EOGT: variants seen among roughly 807,000 people sequenced by gnomAD.
EOGT encodes the protein EGF domain-specific O-linked N-acetylglucosamine transferase.
Under a neutral mutation model 70.5 loss-of-function variants are expected in EOGT, and 55 were observed. That is an observed-to-expected ratio of 0.78 (90% confidence interval 0.63 to 0.98). The LOEUF is 0.98. EOGT is among the 50% of genes least tolerant of loss of function. The pLI, the probability that EOGT is intolerant of heterozygous loss-of-function variation, is 0.00. For missense variants in EOGT, 703 were observed against 641.9 expected (o/e 1.10, Z -1.03); for synonymous variants, 246 against 217.1 (o/e 1.13, Z -1.17).
chr3:68,988,311 G>A lies in EOGT; in HGVS notation c.1067C>T (p.Thr356Ile), dbSNP rs755848275. The A allele has an allele frequency of 2.9e-5, 44 of 1,535,650 alleles. No homozygotes were observed. The highest frequency in any genetic ancestry group is 3.8e-5 in the Non-Finnish European group (43 of 1,146,484). ...ATCCATTACCTTAGGTCCTTCTTGT[G>A]TGATGTTTAGTCTGTGTAGTACATG... Reference protein sequence around the residue: ...AQHVLHRLNITQEGPKDGKIR... With the variant: ...AQHVLHRLNIIQEGPKDGKIR... Residue 356 changes from threonine to isoleucine, a missense_variant, in exon 13 of 18, where the codon ACA becomes ATA. Thr to Ile is a moderately conservative substitution (Grantham distance 89, BLOSUM62 -1). Coordinates refer to ENST00000383701, the MANE Select transcript of EOGT (RefSeq NM_001278689.2).
chr3:69,000,922 C>T (rs9848592), intron 9 of EOGT, among the ~76,000 whole-genome samples: 1,981 of 151,700 alleles, frequency 0.013, 40 homozygotes, highest in African/African-American at 0.046. Flanking sequence ...GTCATGGACA[C>T]TTCTTTCCCA....
At chr3:69,000,126 C>G (rs968191725) in intron 9 of EOGT, among the ~76,000 whole-genome samples, 6 of 152,032 alleles carry the variant, frequency 3.9e-5, no homozygotes, top group Non-Finnish European at 5.9e-5. Context: ...CTTGGCAGGC[C>G]AAGGTGGGAG....
rs1223498475 is a variant in EOGT at position 68,988,930 on chromosome 3, T to C, written c.919A>G (p.Lys307Glu). The change falls in exon 11 of 18, where the codon AAA (lysine) becomes GAA (glutamate). Residue 307 changes from lysine (K) to glutamate (E), a missense_variant. Physicochemically the swap from Lys to Glu is moderately conservative, Grantham distance 56. Transcript: ENST00000383701. The part of the protein sequence containing the change: ...DVIHLKTYDS[K>E]RVCFKEAVFS... ...TTCAGGAAAATTTCCAGTACCCTTT[T>C]GGAATCATAAGTTTTCAAATGTATA... 6.6e-7 allele frequency: 1 copy of C among 1,510,688 alleles called. No individual in the cohort carries two copies. The highest frequency in any genetic ancestry group is 2.5e-5 in the East Asian group (1 of 40,610). The allele number at this position is 1,510,688 out of a possible 1,614,324, so 93.6% of individuals were successfully genotyped here.
intron 15 of EOGT, among the ~76,000 whole-genome samples, chr3:68,980,491 T>C (rs1405847731): frequency 1.3e-5 from 2 of 152,172 alleles, no homozygotes; most frequent in African/African-American, 4.8e-5. Context: ...AACAATTCAC[T>C]GAGGTGAGGC....
At chr3:68,983,466 T>C (rs1249722244) in intron 14 of EOGT, among the ~76,000 whole-genome samples, 1 of 152,224 alleles carries the variant, frequency 6.6e-6, no homozygotes, top group Non-Finnish European at 1.5e-5. Flanking sequence ...ATCAAAAATA[T>C]AGTCATGGTT....
In EOGT at chr3:68,977,522, G is replaced by A. The variant is rs941443883; in HGVS notation, c.*96C>T. 51 of 1,308,582 alleles carry A rather than the reference G, an allele frequency of 3.9e-5. No individual in the cohort carries two copies. Among genetic ancestry groups the A allele is most frequent in the South Asian group, 2.1e-4 (16 of 77,316 alleles). The allele number at this position is 1,308,582 out of a possible 1,614,324, so 81.1% of individuals were successfully genotyped here. A position where few individuals can be genotyped will look rare whatever the true frequency, so the allele number is the denominator to read the frequency against. On this transcript the variant is annotated 3_prime_UTR_variant, in exon 18 of 18. Transcript: ENST00000383701. ...TGTTTTGGCATAGAAAAGGTAATTC[G>A]GGGATAGGAAATAACAGATTGCTTT...
At chr3:68,993,897 A>C (rs1246178830) in intron 10 of EOGT, among the ~76,000 whole-genome samples, 1 of 152,118 alleles carries the variant, frequency 6.6e-6, no homozygotes, top group East Asian at 1.9e-4. Context: ...ACTCACTATC[A>C]CAAGAATAAC....
chr3:69,005,366 C>T, intron 6 of EOGT, 132 bp from the exon 7 acceptor site: 1 of 526,944 alleles, frequency 1.9e-6, no homozygotes, highest in Non-Finnish European at 3.4e-6. Context: ...GAAAGCTCTC[C>T]AAAGACTGCA....
chr3:68,982,181 T>C (rs758105178), intron 15 of EOGT, among the ~76,000 whole-genome samples: 26 of 152,284 alleles, frequency 1.7e-4, no homozygotes, highest in Non-Finnish European at 3.8e-4. Context: ...AGTGCTAGGA[T>C]TACAGGCGTG....
intron 15 of EOGT, among the ~76,000 whole-genome samples, chr3:68,982,202 G>T (rs751124539): frequency 7.2e-5 from 11 of 152,104 alleles, no homozygotes; most frequent in South Asian, 2.1e-4. Flanking sequence ...AGCCATCGTG[G>T]CCAGTCTGCC....
Position 68,977,468 on chromosome 3 carries a change from A to G in EOGT, c.*150T>C. Reference sequence around the variant, plus strand: ...AAACCACATGAAACACTTAACATCTATACAACACATAACAATATCCTGAAG... The same window carrying G: ...AAACCACATGAAACACTTAACATCTGTACAACACATAACAATATCCTGAAG... On this transcript the variant is annotated 3_prime_UTR_variant, in exon 18 of 18. Coordinates refer to ENST00000383701, the MANE Select transcript of EOGT (RefSeq NM_001278689.2). The G allele has an allele frequency of 1.3e-6, 1 of 750,250 alleles. No homozygotes were observed. The highest frequency in any genetic ancestry group is 1.8e-5 in the African/African-American group (1 of 56,158). The allele number at this position is 750,250 out of a possible 1,614,324, so 46.5% of individuals were successfully genotyped here.
intron 7 of EOGT, among the ~76,000 whole-genome samples, chr3:69,004,770 A>C (rs2091395263): frequency 6.6e-6 from 1 of 151,942 alleles, no homozygotes; most frequent in South Asian, 2.1e-4. Flanking sequence ...CAAATTCAAG[A>C]TATACCCCTT....
intron 3 of EOGT, among the ~76,000 whole-genome samples, chr3:69,010,313 T>C (rs945463651): frequency 1.3e-5 from 2 of 152,366 alleles, no homozygotes; most frequent in South Asian, 2.1e-4. Context: ...GTAGCCATGG[T>C]CTATTATAAA....
At position 68,977,828 on chromosome 3, in the gene EOGT, G is replaced by T. The variant is rs533004961; in HGVS notation, c.1438-64C>A. The T allele has an allele frequency of 1.0e-4, 150 of 1,505,316 alleles. 1 individual carries two copies. Among genetic ancestry groups the T allele is most frequent in the Non-Finnish European group, 4.5e-6 (5 of 1,122,006 alleles). The allele number at this position is 1,505,316 out of a possible 1,614,324, so 93.2% of individuals were successfully genotyped here. A position where few individuals can be genotyped will look rare whatever the true frequency, so the allele number is the denominator to read the frequency against. ...GAGGGCATGGTTTTCTCTACAGCAG[G>T]AAAATTATGTTACTTTGGTTAAGGC... On this transcript the variant is annotated intron_variant, in intron 17 of 17. Coordinates refer to ENST00000383701, the MANE Select transcript of EOGT (RefSeq NM_001278689.2).
chr3:69,007,278 T>C (rs764988747), intron 6 of EOGT, among the ~76,000 whole-genome samples: 1 of 152,192 alleles, frequency 6.6e-6, no homozygotes, highest in African/African-American at 2.4e-5. Flanking sequence ...GAGTGAGGAA[T>C]TCCTTTCATA....
At chr3:68,998,186 C>T in intron 9 of EOGT, 72 bp from the exon 10 acceptor site, 1 of 791,418 alleles carries the variant, frequency 1.3e-6, no homozygotes, top group East Asian at 2.6e-5. Flanking sequence ...TATTCTATCC[C>T]ATCTATTTAC....
chr3:68,983,398 A>G (rs1488320562), intron 14 of EOGT, among the ~76,000 whole-genome samples: 1 of 152,370 alleles, frequency 6.6e-6, no homozygotes, highest in East Asian at 1.9e-4. Flanking sequence ...GTACTTCTAC[A>G]TAGAAAAACA....
intron 3 of EOGT, 73 bp from the exon 4 acceptor site, chr3:69,009,933 C>CAACAACAACAAAAAA: frequency 3.9e-6 from 1 of 255,196 alleles, no homozygotes; most frequent in South Asian, 4.7e-5. Context: ...ACAACAACAA[C>CAACAACAACAAAAAA]AAAAAAAAAA....
At chr3:68,994,214 T>G (rs1480358621) in intron 10 of EOGT, among the ~76,000 whole-genome samples, 1 of 152,170 alleles carries the variant, frequency 6.6e-6, no homozygotes, top group Non-Finnish European at 1.5e-5. Context: ...TATGGTGGCA[T>G]GCACATGTAG....
Sources: allele counts gnomAD v4.1 joint callset (sites outside exome capture counted in the v4.1 genomes callset), GRCh38; gene constraint gnomAD v4.1.1; transcripts MANE v1.5; gene names NCBI Gene and HGNC (gene_info 2026-07-23, HGNC 2026-07-21).